The following TTC39C variants were observed in gnomAD, a reference collection of about 807,000 sequenced individuals.
The protein encoded by TTC39C is tetratricopeptide repeat protein 39C.
A neutral mutation model predicts 76.3 loss-of-function variants in TTC39C; 33 were observed. That is an observed-to-expected ratio of 0.43 (90% confidence interval 0.33 to 0.58). TTC39C has a LOEUF of 0.58. Among genes scored for constraint, TTC39C ranks in the 20% least tolerant of loss-of-function variants. TTC39C has a pLI of 0.04. For synonymous variants in TTC39C, 254 were observed against 260.6 expected, an observed-to-expected ratio of 0.97 and a Z score of 0.24; for missense variants, 595 against 701.4, an observed-to-expected ratio of 0.85 and a Z score of 1.71.
At chr18:24,065,251 G>T (rs1223813944) in intron 2 of TTC39C, among the ~76,000 whole-genome samples, 1 of 152,260 alleles carries the variant, frequency 6.6e-6, no homozygotes, top group Non-Finnish European at 1.5e-5. Context: ...GGCCAAGATG[G>T]AGCTGGTGGA....
chr18:24,009,043 C>T (rs2083376178), intron 1 of TTC39C, among the ~76,000 whole-genome samples: 1 of 152,114 alleles, frequency 6.6e-6, no homozygotes, highest in Admixed American at 6.5e-5. Context: ...ACGCCAGGGT[C>T]TGCTTGAGGG....
intron 6 of TTC39C, among the ~76,000 whole-genome samples, chr18:24,106,511 C>T (rs991442410): frequency 1.3e-5 from 2 of 152,154 alleles, no homozygotes; most frequent in African/African-American, 2.4e-5. Flanking sequence ...TCCTCCCTTC[C>T]TCTGCACATC....
intron 4 of TTC39C, among the ~76,000 whole-genome samples, chr18:24,071,642 G>A (rs542739147): frequency 6.6e-6 from 1 of 152,098 alleles, no homozygotes; most frequent in Admixed American, 6.5e-5. Flanking sequence ...AAATAATAGT[G>A]TGTTAGTTTA....
At chr18:24,091,282 C>G (rs1236873902) in intron 6 of TTC39C, among the ~76,000 whole-genome samples, 1 of 152,156 alleles carries the variant, frequency 6.6e-6, no homozygotes, top group Non-Finnish European at 1.5e-5. Context: ...GAAACCCCAT[C>G]TCTACAAAAA....
intron 10 of TTC39C, 145 bp downstream of exon 10, chr18:24,125,695 C>T (rs1254261798): frequency 1.3e-5 from 14 of 1,047,220 alleles, no homozygotes; most frequent in Non-Finnish European, 1.8e-5. Context: ...TAGAGGGTGT[C>T]GTGATGAAGA....
intron 1 of TTC39C, among the ~76,000 whole-genome samples, chr18:23,996,221 T>A (rs1174129735): frequency 4.6e-5 from 7 of 152,272 alleles, no homozygotes; most frequent in African/African-American, 1.7e-4. Flanking sequence ...CAGTAAAATG[T>A]CTCTTTATAT....
intron 4 of TTC39C, among the ~76,000 whole-genome samples, chr18:24,074,169 A>G (rs994739967): frequency 1.3e-5 from 2 of 152,254 alleles, no homozygotes; most frequent in South Asian, 2.1e-4. Context: ...AGTTAGTTAT[A>G]GAGGTTGAAT....
In TTC39C at chr18:24,126,558, G is replaced by A. The variant is rs564557445; in HGVS notation, c.1420+1008G>A. 1.2e-4 allele frequency among the ~76,000 whole-genome samples: 19 copies of A among 152,046 alleles called. 1 individual carries two copies. In the South Asian group the frequency reaches 3.9e-3, roughly 32 times the overall value. ...GTTTTGTACAGTGGCCCTGTAATTC[G>A]AGTAGATGTGTAACCCTCCCAAGGA... On this transcript the variant is annotated intron_variant, in intron 10 of 13. Transcript: ENST00000317571.
intron 1 of TTC39C, chr18:24,001,469 C>T (rs1432769691): frequency 6.6e-6 from 1 of 152,252 alleles, no homozygotes; most frequent in Non-Finnish European, 1.5e-5. Context: ...CACTGTCTCT[C>T]CCATCTCCTT....
At chr18:24,014,679 C>A, upstream of TTC39C, 3 of 860,180 alleles carry the variant, frequency 3.5e-6, no homozygotes, top group East Asian at 4.9e-5. Context: ...CCTCCCACGC[C>A]GCGCCGCAGC....
intron 1 of TTC39C, among the ~76,000 whole-genome samples, chr18:23,999,185 C>T (rs544964260): frequency 1.4e-4 from 21 of 152,174 alleles, no homozygotes; most frequent in Non-Finnish European, 5.9e-5. Context: ...TTTCCACCTT[C>T]GAAACCTAAG....
intron 1 of TTC39C, among the ~76,000 whole-genome samples, chr18:24,039,953 T>G (rs1443475556): frequency 1.3e-5 from 2 of 152,114 alleles, no homozygotes; most frequent in African/African-American, 4.8e-5. Context: ...GGAACAAATT[T>G]GAAGGATTAA....
intron 6 of TTC39C, among the ~76,000 whole-genome samples, chr18:24,083,341 A>C (rs935145514): frequency 1.3e-5 from 2 of 152,214 alleles, no homozygotes; most frequent in African/African-American, 4.8e-5. Flanking sequence ...GTGCACTTCC[A>C]GCCTAAGGCA....
At chr18:24,057,643 A>G (rs1217869550) in intron 1 of TTC39C, among the ~76,000 whole-genome samples, 2 of 152,220 alleles carry the variant, frequency 1.3e-5, no homozygotes, top group African/African-American at 4.8e-5. Flanking sequence ...TTGAGTGAAT[A>G]TGCTGTAATA....
chr18:24,119,545 G>A (rs1343277860), intron 8 of TTC39C, among the ~76,000 whole-genome samples: 4 of 151,922 alleles, frequency 2.6e-5, no homozygotes, highest in African/African-American at 7.3e-5. Flanking sequence ...AAATTGCATC[G>A]GTCCATTAGC....
chr18:24,109,200 T>TAAAAAAAA (rs1599333991), intron 6 of TTC39C, among the ~76,000 whole-genome samples: 1 of 105,790 alleles, frequency 9.5e-6, no homozygotes. Flanking sequence ...AAAAAAAAAG[T>TAAAAAAAA]TAAAAAATTA....
At chr18:24,048,225 A>G (rs2083908822) in intron 1 of TTC39C, among the ~76,000 whole-genome samples, 1 of 152,252 alleles carries the variant, frequency 6.6e-6, no homozygotes, top group South Asian at 2.1e-4. Context: ...TGAGACTAAT[A>G]AACCAGCGAA....
At chr18:24,116,321 T>C (rs979585876) in intron 7 of TTC39C, among the ~76,000 whole-genome samples, 2 of 152,212 alleles carry the variant, frequency 1.3e-5, no homozygotes, top group Non-Finnish European at 2.9e-5. Flanking sequence ...GAGGGGCAGA[T>C]CGCCTAAAGC....
intron 6 of TTC39C, among the ~76,000 whole-genome samples, chr18:24,089,750 G>C (rs2084494465): frequency 6.6e-6 from 1 of 152,142 alleles, no homozygotes; most frequent in Admixed American, 6.5e-5. Flanking sequence ...GGGGGCAAAA[G>C]CATAATCTAT....
Sources: allele counts gnomAD v4.1 joint callset (sites outside exome capture counted in the v4.1 genomes callset), GRCh38; gene constraint gnomAD v4.1.1; transcripts MANE v1.5; gene names NCBI Gene and HGNC (gene_info 2026-07-23, HGNC 2026-07-21).